MAP3K13: variants seen among roughly 807,000 people sequenced by gnomAD.
The protein encoded by MAP3K13 is leucine zipper-bearing kinase.
In MAP3K13, 52 loss-of-function variants were observed where a neutral mutation model predicts 104.0. The ratio of observed to expected loss-of-function variants is 0.50; its 90% CI spans 0.40 to 0.63. The LOEUF (loss-of-function observed/expected upper bound fraction) is 0.63. MAP3K13 is among the 20% of genes least tolerant of loss of function. The pLI is 0.00. For synonymous variants in MAP3K13, 394 were observed against 442.2 expected (o/e 0.89, Z 1.37); for missense variants, 914 against 1,218.5 (o/e 0.75, Z 3.72).
chr3:185,330,122 C>T (rs1334345120), intron 2 of MAP3K13, among the ~76,000 whole-genome samples: 2 of 146,112 alleles, frequency 1.4e-5, no homozygotes, highest in African/African-American at 2.5e-5. Context: ...AGGATGGTCT[C>T]GATCTCCTGA....
intron 2 of MAP3K13, among the ~76,000 whole-genome samples, chr3:185,431,147 C>T (rs1714720763): frequency 6.6e-6 from 1 of 152,204 alleles, no homozygotes; most frequent in Non-Finnish European, 1.5e-5. Context: ...TCACCTCCCA[C>T]CAGACCCCTC....
intron 1 of MAP3K13, among the ~76,000 whole-genome samples, chr3:185,364,427 T>C (rs1020457747): frequency 2.0e-5 from 3 of 152,240 alleles, no homozygotes; most frequent in Admixed American, 1.3e-4. Context: ...GTCTGCAGCA[T>C]GTACCCAGTT....
intron 1 of MAP3K13, among the ~76,000 whole-genome samples, chr3:185,385,998 T>A (rs575708070): frequency 1.5e-5 from 2 of 130,190 alleles, no homozygotes; most frequent in South Asian, 5.2e-4. Flanking sequence ...GCAGACCCTA[T>A]CTTAAAAAAA....
intron 2 of MAP3K13, among the ~76,000 whole-genome samples, chr3:185,345,249 A>G (rs1210113627): frequency 1.3e-5 from 2 of 152,240 alleles, no homozygotes; most frequent in Non-Finnish European, 1.5e-5. Flanking sequence ...ATACACACAC[A>G]CACACACGTA....
chr3:185,477,807 G>T (rs1301371963), intron 12 of MAP3K13, among the ~76,000 whole-genome samples: 1 of 152,182 alleles, frequency 6.6e-6, no homozygotes, highest in Non-Finnish European at 1.5e-5. Context: ...TGGAGCTGGG[G>T]AAGTTCAAGA....
At chr3:185,447,115 C>T (rs1183100682) in intron 4 of MAP3K13, among the ~76,000 whole-genome samples, 1 of 152,100 alleles carries the variant, frequency 6.6e-6, no homozygotes, top group Non-Finnish European at 1.5e-5. Context: ...AAAATATAAA[C>T]TGGTTGAGAA....
chr3:185,393,036 A>C (rs1712163056), intron 1 of MAP3K13, among the ~76,000 whole-genome samples: 1 of 152,050 alleles, frequency 6.6e-6, no homozygotes, highest in Non-Finnish European at 1.5e-5. Flanking sequence ...TGGGTGATGG[A>C]GTGAGACTCC....
At position 185,482,670 on chromosome 3, in the gene MAP3K13, A is replaced by C. The variant is rs1718532652; in HGVS notation, c.*214A>C. 1 of 496,924 alleles carries C rather than the reference A, an allele frequency of 2.0e-6. No individual in the cohort carries two copies. Among genetic ancestry groups the C allele is most frequent in the Non-Finnish European group, 3.6e-6 (1 of 279,634 alleles). The allele number at this position is 496,924 out of a possible 1,614,324, so 30.8% of individuals were successfully genotyped here. The stretch of plus-strand genomic sequence containing the variant: ...CAAATGAAATTAAGTCTCACTGAAC[A>C]TTTCAATCAAGAATGGCAGGGATCT... On this transcript the variant is annotated 3_prime_UTR_variant, in exon 14 of 14. Transcript: ENST00000265026. The surrounding 1 kb of genome is among the most constrained non-coding windows in gnomAD (Gnocchi z 4.5).
chr3:185,460,598 T>C (rs572344066), intron 7 of MAP3K13, among the ~76,000 whole-genome samples: 4 of 152,324 alleles, frequency 2.6e-5, no homozygotes, highest in African/African-American at 9.6e-5. Flanking sequence ...CATGGCTGAA[T>C]TGCAGATTAA....
At chr3:185,454,789 G>GATATATATATGAGATATATACATGAT (rs1553808254) in intron 7 of MAP3K13, among the ~76,000 whole-genome samples, 1 of 56,150 alleles carries the variant, frequency 1.8e-5, no homozygotes, top group African/African-American at 7.0e-5. Context: ...ATATATACAT[G>GATATATATATGAGATATATACATGAT]ATATATATGA....
At chr3:185,466,147 G>A (rs1198337652) in intron 9 of MAP3K13, among the ~76,000 whole-genome samples, 1 of 152,192 alleles carries the variant, frequency 6.6e-6, no homozygotes, top group Non-Finnish European at 1.5e-5. Flanking sequence ...AGACCGGGGA[G>A]CCGATTGCCC....
chr3:185,426,357 G>A (rs1714418477), intron 1 of MAP3K13, among the ~76,000 whole-genome samples: 1 of 152,176 alleles, frequency 6.6e-6, no homozygotes, highest in Non-Finnish European at 1.5e-5. Context: ...TGGGATTACA[G>A]GCGTGAGCTA....
intron 2 of MAP3K13, among the ~76,000 whole-genome samples, chr3:185,334,508 C>A (rs1722403234): frequency 6.6e-6 from 1 of 151,480 alleles, no homozygotes; most frequent in Non-Finnish European, 1.5e-5. Flanking sequence ...AATAGATTCA[C>A]ACATATAAGG....
rs1714244453 is a variant in MAP3K13 at position 185,423,402 on chromosome 3, A to G, written c.-85-5095A>G. 6.6e-6 allele frequency among the ~76,000 whole-genome samples: 1 copy of G among 152,200 alleles called. No homozygotes were observed. The highest frequency in any genetic ancestry group is 1.5e-5 in the Non-Finnish European group (1 of 68,036). On this transcript the variant is annotated intron_variant, in intron 1 of 13. Transcript: ENST00000265026. The surrounding 1 kb of genome is among the most constrained non-coding windows in gnomAD (Gnocchi z 4.1). ...CAGATAGTATGAAATCAGCAGTCTT[A>G]AAAGAGATGAGGCAGGGCAAGGTCA... is the stretch of plus-strand genomic sequence containing the variant.
At chr3:185,427,555 A>G (rs963185444) in intron 1 of MAP3K13, among the ~76,000 whole-genome samples, 3 of 152,146 alleles carry the variant, frequency 2.0e-5, no homozygotes, top group Non-Finnish European at 4.4e-5. Context: ...GGTGCAGTAT[A>G]ATAAAAACAA....
chr3:185,370,218 G>A (rs1309872327), intron 1 of MAP3K13, among the ~76,000 whole-genome samples: 2 of 152,072 alleles, frequency 1.3e-5, no homozygotes, highest in African/African-American at 2.4e-5. Flanking sequence ...TCTCGAGATG[G>A]AGTTTTGCTC....
rs149925473 is a variant in MAP3K13 at position 185,482,796 on chromosome 3, GAC to G, written c.*342_*343del. On this transcript the variant is annotated 3_prime_UTR_variant, in exon 14 of 14. Transcript: ENST00000265026. This position sits in a 1 kb window ranked among gnomAD's most constrained non-coding sequence, Gnocchi z 4.5. ...GAGTGAACTATATATGAGATAGAGAGACAATAATTTCTTGCAAAAAAAAAAAG... is the reference window on the plus strand; with the variant it reads ...GAGTGAACTATATATGAGATAGAGAGAATAATTTCTTGCAAAAAAAAAAAG... 2.9e-3 allele frequency: 677 copies of G among 234,214 alleles called. 4 individuals carry two copies. The highest frequency in any genetic ancestry group is 0.014 in the African/African-American group (633 of 44,430). 14.5% of individuals were successfully genotyped at this position (234,214 alleles called of 1,614,324 possible).
chr3:185,477,269 T>G, intron 11 of MAP3K13, 57 bp from the exon 12 acceptor site: 1 of 1,081,476 alleles, frequency 9.2e-7, no homozygotes. Flanking sequence ...GGGGATGGGG[T>G]GAGAGAGACA....
chr3:185,320,084 T>TG (rs1431281280), intron 2 of MAP3K13, among the ~76,000 whole-genome samples: 1 of 16,448 alleles, frequency 6.1e-5, no homozygotes, highest in African/African-American at 1.0e-4. Flanking sequence ...TGTAAGTAAC[T>TG]TTTTTTTTTT....
Sources: allele counts gnomAD v4.1 joint callset (sites outside exome capture counted in the v4.1 genomes callset), GRCh38; gene constraint gnomAD v4.1.1; non-coding constraint Gnocchi (gnomAD v3.1); transcripts MANE v1.5; gene names NCBI Gene and HGNC (gene_info 2026-07-23, HGNC 2026-07-21).